CDH7: variants seen among roughly 807,000 people sequenced by gnomAD.
CDH7 encodes cadherin 7.
In CDH7, 25 loss-of-function variants were observed where a neutral mutation model predicts 71.8. The observed-to-expected ratio is 0.35, with a 90% CI of 0.25 to 0.49. The LOEUF (loss-of-function observed/expected upper bound fraction) is 0.49, where lower values mean the gene tolerates loss of function less well. Ranked by LOEUF, CDH7 falls within the 20% of genes least tolerant of loss-of-function variation. The pLI is 0.99. For missense variants in CDH7, 862 were observed against 974.6 expected, an observed-to-expected ratio of 0.88 and a Z score of 1.54; for synonymous variants, 381 against 363.8, an observed-to-expected ratio of 1.05 and a Z score of -0.54.
chr18:65,863,057 A>T (rs1055384904), intron 11 of CDH7, 140 bp downstream of exon 11: 1 of 952,550 alleles, frequency 1.0e-6, no homozygotes, highest in Non-Finnish European at 1.6e-6. Context: ...TTTTTCTTTG[A>T]GACGGGGTCT....
At chr18:65,781,974 C>CTTTCTT (rs1568182061) in intron 2 of CDH7, among the ~76,000 whole-genome samples, 5 of 102,670 alleles carry the variant, frequency 4.9e-5, no homozygotes, top group Non-Finnish European at 9.1e-5. Flanking sequence ...CTCTCTCTCT[C>CTTTCTT]TCTCTCTCTC....
intron 4 of CDH7, among the ~76,000 whole-genome samples, chr18:65,816,054 A>G (rs949918971): frequency 6.6e-6 from 1 of 152,190 alleles, no homozygotes; most frequent in Non-Finnish European, 1.5e-5. Flanking sequence ...CTATAACCCT[A>G]TGGAGATAAA....
At chr18:65,854,930 TATAC>T (rs917042264) in intron 7 of CDH7, among the ~76,000 whole-genome samples, 22 of 142,296 alleles carry the variant, frequency 1.5e-4, no homozygotes, top group Admixed American at 9.1e-4. Context: ...CATATATATA[TATAC>T]ACACACATAT....
intron 2 of CDH7, among the ~76,000 whole-genome samples, chr18:65,792,931 C>G (rs567289981): frequency 6.6e-6 from 1 of 152,286 alleles, no homozygotes; most frequent in South Asian, 2.1e-4. Flanking sequence ...CCTTGGCTGT[C>G]CCACCTCTGA....
intron 6 of CDH7, among the ~76,000 whole-genome samples, chr18:65,842,636 ATTGTT>A (rs1013658692): frequency 1.1e-4 from 17 of 151,868 alleles, no homozygotes; most frequent in African/African-American, 3.6e-4. Flanking sequence ...TTATATAACT[ATTGTT>A]TTATTTATTT....
At position 65,889,185 on chromosome 18, in the gene CDH7, T is replaced by C. The variant is rs1400244628; in HGVS notation, c.*8291T>C. 1 of 152,128 alleles carries C rather than the reference T, an allele frequency of 6.6e-6. No homozygotes were observed. Among genetic ancestry groups the C allele is most frequent in the Non-Finnish European group, 1.5e-5 (1 of 68,016 alleles). The allele number at this position is 152,128 out of a possible 1,614,324, so 9.4% of individuals were successfully genotyped here. Reference sequence around the variant, plus strand: ...ACCAGATTTTCTGAGGGTTACCCGCTATGCAGATTCATAAACTTGTTATTG... The same window carrying C: ...ACCAGATTTTCTGAGGGTTACCCGCCATGCAGATTCATAAACTTGTTATTG... On this transcript the variant is annotated 3_prime_UTR_variant, in exon 12 of 12. Coordinates refer to ENST00000397968, the MANE Select transcript of CDH7 (RefSeq NM_004361.5).
chr18:65,843,933 T>A lies in CDH7; in HGVS notation c.1103T>A (p.Val368Glu), dbSNP rs1393975360. ...FSDTTTVKIIVEDVDEPPVFS... is the reference protein window; with the variant it reads ...FSDTTTVKIIEEDVDEPPVFS... ...GACACGACAACTGTGAAGATAATTGTGGAAGATGTAGATGAGCCCCCTGTG... is the reference window on the plus strand; with the variant it reads ...GACACGACAACTGTGAAGATAATTGAGGAAGATGTAGATGAGCCCCCTGTG... Residue 368 changes from valine (V) to glutamate (E), a missense_variant, in exon 7 of 12, where the codon GTG (valine) becomes GAG (glutamate). Coordinates refer to ENST00000397968, the MANE Select transcript of CDH7 (RefSeq NM_004361.5). 5 of 1,611,158 alleles carry A rather than the reference T, an allele frequency of 3.1e-6. No homozygotes were observed. The highest frequency in any genetic ancestry group is 1.3e-5 in the African/African-American group (1 of 74,652).
In CDH7 at chr18:65,863,060, C is replaced by A; in HGVS notation, c.1864+143C>A. On this transcript the variant is annotated intron_variant, in intron 11 of 11. Transcript: ENST00000397968. ...TGTTTTGTTTTGTTTTTCTTTGAGA[C>A]GGGGTCTCACTCTGTTGCCCAGGCT... The A allele has an allele frequency of 8.9e-6, 8 of 902,240 alleles. No individual in the cohort carries two copies. In the South Asian group the frequency reaches 1.0e-4, roughly 11 times the overall value. The allele number at this position is 902,240 out of a possible 1,614,324, so 55.9% of individuals were successfully genotyped here.
chr18:65,786,846 G>A (rs894770495), intron 2 of CDH7, among the ~76,000 whole-genome samples: 1 of 152,028 alleles, frequency 6.6e-6, no homozygotes, highest in Non-Finnish European at 1.5e-5. Context: ...ACTATGCACA[G>A]CTAATTAATC....
intron 1 of CDH7, among the ~76,000 whole-genome samples, chr18:65,761,808 T>C (rs1916200370): frequency 6.6e-6 from 1 of 152,180 alleles, no homozygotes; most frequent in African/African-American, 2.4e-5. Flanking sequence ...ATGCTTCTGC[T>C]AAAGCACCTC....
At chr18:65,837,652 A>C (rs894734026) in intron 6 of CDH7, among the ~76,000 whole-genome samples, 2 of 152,164 alleles carry the variant, frequency 1.3e-5, no homozygotes, top group Admixed American at 6.5e-5. Flanking sequence ...TTCTAAAGAG[A>C]GGTCAGGGGC....
At chr18:65,804,728 T>C (rs866032880) in intron 2 of CDH7, among the ~76,000 whole-genome samples, 1 of 49,716 alleles carries the variant, frequency 2.0e-5, no homozygotes, top group Non-Finnish European at 5.8e-5. Context: ...GTGTGTGTAT[T>C]TATGAGAGAG....
chr18:65,800,298 C>G (rs1384659074), intron 2 of CDH7, among the ~76,000 whole-genome samples: 1 of 152,100 alleles, frequency 6.6e-6, no homozygotes, highest in African/African-American at 2.4e-5. Flanking sequence ...CCAGGATGGT[C>G]TCGATCTCCT....
chr18:65,760,548 A>G (rs1398688160), intron 1 of CDH7, among the ~76,000 whole-genome samples: 1 of 152,208 alleles, frequency 6.6e-6, no homozygotes, highest in African/African-American at 2.4e-5. Flanking sequence ...AAACTATATT[A>G]TCAGGAGCCA....
intron 2 of CDH7, among the ~76,000 whole-genome samples, chr18:65,784,805 A>C (rs1278042659): frequency 6.6e-6 from 1 of 152,142 alleles, no homozygotes; most frequent in Non-Finnish European, 1.5e-5. Context: ...TGACCTAACA[A>C]ATATGTCGAG....
At chr18:65,814,368 A>T (rs571582564) in intron 3 of CDH7, 117 bp from the exon 4 acceptor site, 51 of 1,189,328 alleles carry the variant, frequency 4.3e-5, no homozygotes, top group Admixed American at 2.4e-4. Context: ...TGTGTCTTGA[A>T]AAAGATAAAT....
At chr18:65,873,870 A>G (rs1913996835) in intron 11 of CDH7, among the ~76,000 whole-genome samples, 1 of 152,148 alleles carries the variant, frequency 6.6e-6, no homozygotes, top group South Asian at 2.1e-4. Flanking sequence ...ATATTTTCCT[A>G]GCATATTTTA....
intron 1 of CDH7, among the ~76,000 whole-genome samples, chr18:65,754,082 AT>A (rs1474381816): frequency 6.6e-6 from 1 of 152,222 alleles, no homozygotes; most frequent in Admixed American, 6.5e-5. Context: ...TAATTTTACC[AT>A]TTTATTACAT....
At position 65,805,740 on chromosome 18, in the gene CDH7, C is replaced by T. The variant is rs561283814; in HGVS notation, c.211-3964C>T. Among the ~76,000 whole-genome samples, 12 of 152,290 alleles carry T rather than the reference C, an allele frequency of 7.9e-5. No individual in the cohort carries two copies. In the South Asian group the frequency reaches 1.0e-3, roughly 13 times the overall value. ...CCATCATGAAAGTCCTTCAGGCTAA[C>T]ATTGTTGTGCAAATATGAGATATTA... On this transcript the variant is annotated intron_variant, in intron 2 of 11. Coordinates refer to ENST00000397968, the MANE Select transcript of CDH7 (RefSeq NM_004361.5).
Sources: gnomAD v4.1 joint callset for allele counts (sites outside exome capture counted in the v4.1 genomes callset) on GRCh38, gnomAD v4.1.1 for gene constraint, MANE v1.5 for transcripts, NCBI Gene and HGNC (gene_info 2026-07-23, HGNC 2026-07-21) for gene names.